PLEKHA1: variants seen among roughly 807,000 people sequenced by gnomAD.
The protein encoded by PLEKHA1 is pleckstrin homology domain containing A1.
PLEKHA1 carries 34 observed loss-of-function variants against 52.0 expected under a neutral mutation model. That is an observed-to-expected ratio of 0.65 (90% CI 0.50 to 0.87). The LOEUF is 0.87. Ranked by LOEUF, PLEKHA1 falls within the 40% of genes least tolerant of loss-of-function variation. PLEKHA1 has a pLI of 0.00. For synonymous variants in PLEKHA1, 163 were observed against 170.7 expected (o/e 0.95, Z 0.35); for missense variants, 497 against 504.2 (o/e 0.99, Z 0.14).
At chr10:122,428,361 A>T in intron 11 of PLEKHA1, 9 of 1,545,116 alleles carry the variant, frequency 5.8e-6, no homozygotes, top group Non-Finnish European at 7.9e-6. Flanking sequence ...GTGGGCTCTC[A>T]CGCAAACGTG....
intron 3 of PLEKHA1, among the ~76,000 whole-genome samples, chr10:122,398,613 G>A (rs1016130335): frequency 3.3e-5 from 5 of 151,810 alleles, no homozygotes; most frequent in Non-Finnish European, 2.9e-5. Flanking sequence ...GTGTGTGTGT[G>A]TGTGTGTGCA....
In PLEKHA1 at chr10:122,398,391, C is replaced by A. The variant is rs556292712; in HGVS notation, c.198+417C>A. 1.5e-3 allele frequency among the ~76,000 whole-genome samples: 224 copies of A among 152,120 alleles called. 1 individual carries two copies. The Middle Eastern group carries it at 0.017, about 12-fold the overall frequency. ...TTTTGAGGAAAATATGGACCATTTT[C>A]ATGTTGAAAGGATGATTTTCCCCCT... On this transcript the variant is annotated intron_variant, in intron 3 of 11. Coordinates refer to ENST00000368990, the MANE Select transcript of PLEKHA1 (RefSeq NM_001001974.4).
chr10:122,442,107 C>T, the PLEKHA1 span: 1 of 152,224 alleles, frequency 6.6e-6, no homozygotes, highest in Non-Finnish European at 1.5e-5. Context: ...GCTTCCCTGT[C>T]TGTCCATTTC....
chr10:122,403,901 A>G (rs1280356246), intron 4 of PLEKHA1, among the ~76,000 whole-genome samples: 1 of 152,148 alleles, frequency 6.6e-6, no homozygotes, highest in Non-Finnish European at 1.5e-5. Flanking sequence ...CATGTTGGCC[A>G]GGCTTGTCTC....
intron 5 of PLEKHA1, among the ~76,000 whole-genome samples, chr10:122,407,743 GTCAATTGCGTT>G (rs1165520891): frequency 1.3e-5 from 2 of 151,824 alleles, no homozygotes; most frequent in Non-Finnish European, 2.9e-5. Flanking sequence ...TGAGATTTGT[GTCAATTGCGTT>G]TTTGTTTTTG....
At chr10:122,413,407 A>G (rs941752613) in intron 6 of PLEKHA1, among the ~76,000 whole-genome samples, 6 of 152,124 alleles carry the variant, frequency 3.9e-5, no homozygotes, top group Non-Finnish European at 8.8e-5. Context: ...TGGATTTACC[A>G]TAAATTACAA....
intron 6 of PLEKHA1, among the ~76,000 whole-genome samples, chr10:122,415,577 C>T (rs549548745): frequency 6.6e-6 from 1 of 152,234 alleles, no homozygotes; most frequent in African/African-American, 2.4e-5. Context: ...TTTTGGGCAG[C>T]TTCTGGTGAA....
chr10:122,417,290 TGGC>T (rs1255392218), intron 7 of PLEKHA1, among the ~76,000 whole-genome samples: 2 of 151,646 alleles, frequency 1.3e-5, no homozygotes, highest in Non-Finnish European at 2.9e-5. Context: ...TACATGGGGT[TGGC>T]GGGGGCGAGG....
chr10:122,386,860 T>G (rs543172817), intron 1 of PLEKHA1: 1 of 152,330 alleles, frequency 6.6e-6, no homozygotes, highest in Non-Finnish European at 1.5e-5. Context: ...TTTTTGGGGT[T>G]TTAGTAGTGA....
intron 5 of PLEKHA1, among the ~76,000 whole-genome samples, chr10:122,410,008 C>T (rs2097084904): frequency 6.6e-6 from 1 of 152,090 alleles, no homozygotes; most frequent in Non-Finnish European, 1.5e-5. Flanking sequence ...TTTTAAAACT[C>T]CTGGCCTCAA....
intron 1 of PLEKHA1, among the ~76,000 whole-genome samples, chr10:122,380,544 C>T (rs2096600154): frequency 6.6e-6 from 1 of 152,160 alleles, no homozygotes; most frequent in Admixed American, 6.5e-5. Flanking sequence ...GGAATCTTGT[C>T]TGGTGAGTCC....
At position 122,406,574 on chromosome 10, in the gene PLEKHA1, A is replaced by G. The variant is rs141365067; in HGVS notation, c.245-2A>G. The stretch of plus-strand genomic sequence containing the variant: ...TGGTGTGTTATTTTTTTCTGTCAAC[A>G]GTTATGAATGCAGGAATGAGGAAGT... On this transcript the variant is annotated splice_acceptor_variant, in intron 4 of 11. Coordinates refer to ENST00000368990, the MANE Select transcript of PLEKHA1 (RefSeq NM_001001974.4). LOFTEE classifies it high-confidence loss of function. 1 of 1,606,562 alleles carries G rather than the reference A, an allele frequency of 6.2e-7. No homozygotes were observed. The highest frequency in any genetic ancestry group is 1.3e-5 in the African/African-American group (1 of 74,692).
chr10:122,413,010 A>T lies in PLEKHA1; in HGVS notation c.433A>T (p.Ile145Phe). ...GKKQVSYRTD[I>F]VGGVPIITPT... is the part of the protein sequence containing the mutation. Reference sequence around the variant, plus strand: ...AAAGCAAGTGTCTTACAGAACTGATATTGTTGGTGGCGTACCCATCATTAC... The same window carrying T: ...AAAGCAAGTGTCTTACAGAACTGATTTTGTTGGTGGCGTACCCATCATTAC... Residue 145 changes from isoleucine to phenylalanine, a missense_variant, in exon 6 of 12, where the codon ATT (isoleucine) becomes TTT (phenylalanine). By Grantham distance (21) the Ile-to-Phe change is conservative. Coordinates refer to ENST00000368990, the MANE Select transcript of PLEKHA1 (RefSeq NM_001001974.4). The T allele has an allele frequency of 6.2e-7, 1 of 1,613,522 alleles. No homozygotes were observed. Among genetic ancestry groups the T allele is most frequent in the Non-Finnish European group, 8.5e-7 (1 of 1,179,586 alleles).
chr10:122,379,239 T>G (rs1163238485), intron 1 of PLEKHA1, among the ~76,000 whole-genome samples: 1 of 152,138 alleles, frequency 6.6e-6, no homozygotes, highest in Non-Finnish European at 1.5e-5. Flanking sequence ...AGATCTTTTC[T>G]CTCTGCAGCG....
At chr10:122,425,962 AT>A (rs938731247) in intron 10 of PLEKHA1, among the ~76,000 whole-genome samples, 1 of 151,834 alleles carries the variant, frequency 6.6e-6, no homozygotes, top group African/African-American at 2.4e-5. Context: ...ATATATTGTT[AT>A]TTTTTTCCCA....
At position 122,432,185 on chromosome 10, in the gene PLEKHA1, T is replaced by C. The variant is rs2097421202; in HGVS notation, c.*2247T>C. The C allele has an allele frequency of 1.3e-5, 2 of 152,234 alleles. No individual in the cohort carries two copies. The highest frequency in any genetic ancestry group is 4.8e-5 in the African/African-American group (2 of 41,464). The allele number at this position is 152,234 out of a possible 1,614,324, so 9.4% of individuals were successfully genotyped here. A position where few individuals can be genotyped will look rare whatever the true frequency, so the allele number is the denominator to read the frequency against. ...ACATCTGAGTTCAAAAAAATTACTT[T>C]GAATACCTTAATATTTGCTGCATTT... On this transcript the variant is annotated 3_prime_UTR_variant, in exon 12 of 12. Transcript: ENST00000368990.
chr10:122,421,277 C>T (rs952140347), intron 8 of PLEKHA1: 7 of 152,040 alleles, frequency 4.6e-5, no homozygotes, highest in African/African-American at 1.7e-4. Flanking sequence ...AATCAGAATC[C>T]CATCATGAGG....
the PLEKHA1 span, chr10:122,442,060 C>A: frequency 6.6e-6 from 1 of 152,146 alleles, no homozygotes; most frequent in Non-Finnish European, 1.5e-5. Flanking sequence ...GAGTGTAATT[C>A]CGTGGAGATG....
chr10:122,430,716 T>C lies in PLEKHA1; in HGVS notation c.*778T>C, dbSNP rs2097408896. On this transcript the variant is annotated 3_prime_UTR_variant, in exon 12 of 12. Transcript: ENST00000368990. ...ATCCAAGTTTTGTAAATAGTTGTTA[T>C]TTCTATATTTGGATTGGTGAAAGAC... 1 of 152,232 alleles carries C rather than the reference T, an allele frequency of 6.6e-6. No individual in the cohort carries two copies. Among genetic ancestry groups the C allele is most frequent in the South Asian group, 2.1e-4 (1 of 4,838 alleles). 9.4% of individuals were successfully genotyped at this position (152,232 alleles called of 1,614,324 possible). A position where few individuals can be genotyped will look rare whatever the true frequency, so the allele number is the denominator to read the frequency against.
Sources: gnomAD v4.1 joint callset for allele counts (sites outside exome capture counted in the v4.1 genomes callset) on GRCh38, gnomAD v4.1.1 for gene constraint, MANE v1.5 for transcripts, NCBI Gene and HGNC (gene_info 2026-07-23, HGNC 2026-07-21) for gene names.